MGRN1: variants seen among roughly 807,000 people sequenced by gnomAD.
MGRN1 encodes mahogunin ring finger 1.
In MGRN1, 29 loss-of-function variants were observed where a neutral mutation model predicts 69.2. The observed-to-expected ratio is 0.42, with a 90% CI of 0.31 to 0.57. MGRN1 has a LOEUF of 0.57. Among genes scored for constraint, MGRN1 ranks in the 20% least tolerant of loss-of-function variants. The probability of loss-of-function intolerance (pLI) is 0.15; values close to 1 mark genes in which losing one functional copy is unlikely to be tolerated. For missense variants in MGRN1, 998 were observed against 796.2 expected, an observed-to-expected ratio of 1.25 and a Z score of -3.05; for synonymous variants, 470 against 344.2, an observed-to-expected ratio of 1.37 and a Z score of -4.04.
chr16:4,681,484 A>C, intron 12 of MGRN1, 66 bp from the exon 13 acceptor site: 1 of 1,465,426 alleles, frequency 6.8e-7, no homozygotes, highest in Non-Finnish European at 9.4e-7. Flanking sequence ...GGAGGTCATC[A>C]GGAGGAGCGT....
chr16:4,671,598 A>T, intron 9 of MGRN1, 139 bp downstream of exon 9: 1 of 730,092 alleles, frequency 1.4e-6, no homozygotes, highest in Non-Finnish European at 2.3e-6. Context: ...TTTTTCCTTA[A>T]TTTTTTTTAA....
At chr16:4,677,401 G>GA in intron 10 of MGRN1, 62 bp from the exon 11 acceptor site, 1 of 1,358,990 alleles carries the variant, frequency 7.4e-7, no homozygotes, top group Non-Finnish European at 9.8e-7. Flanking sequence ...CTGGGGCTGG[G>GA]AGGGTCCCCT....
At chr16:4,646,377 C>T (rs533234835) in intron 1 of MGRN1, among the ~76,000 whole-genome samples, 3 of 151,812 alleles carry the variant, frequency 2.0e-5, no homozygotes, top group Non-Finnish European at 2.9e-5. Flanking sequence ...CTGCAGTGAT[C>T]GTGCCCCTGC....
In MGRN1 at chr16:4,681,639, G is replaced by A. The variant is rs1209405725; in HGVS notation, c.1221G>A (p.Ser407=). Residue 407 remains serine, a synonymous_variant, in exon 13 of 17, where the codon TCG becomes TCA. Transcript: ENST00000262370. ...GLRAVSPAIP[S]APLYEEITYS... ...GGGCTGTCTCCCCGGCCATCCCCTC[G>A]GCCCCTCTTTATGAAGAAATCACCT... 26 of 1,613,344 alleles carry A rather than the reference G, an allele frequency of 1.6e-5. No homozygotes were observed. The East Asian group carries it at 4.0e-4, about 25-fold the overall frequency.
At chr16:4,649,365 A>G (rs1157436879) in intron 1 of MGRN1, 2 of 152,216 alleles carry the variant, frequency 1.3e-5, no homozygotes, top group African/African-American at 2.4e-5. Context: ...TTCTCTCACC[A>G]TCACAGAGGC....
intron 1 of MGRN1, among the ~76,000 whole-genome samples, chr16:4,636,363 C>T (rs1386881495): frequency 6.6e-6 from 1 of 151,998 alleles, no homozygotes; most frequent in Admixed American, 6.6e-5. Context: ...AGATGGGATG[C>T]AATGGCCGGG....
rs779595976 is a variant in MGRN1 at position 4,624,985 on chromosome 16, A to C, written c.25A>C (p.Ile9Leu). 2.6e-6 allele frequency: 4 copies of C among 1,557,386 alleles called. No homozygotes were observed. The African/African-American group carries it at 5.7e-5, about 22-fold the overall frequency. Reference sequence around the variant, plus strand: ...CATGGGCTCCATTCTCAGCCGCCGCATCGCGGGGGTGGAGGACATCGACAT... The same window carrying C: ...CATGGGCTCCATTCTCAGCCGCCGCCTCGCGGGGGTGGAGGACATCGACAT... Reference protein sequence around the residue: MGSILSRRIAGVEDIDIQA... With the variant: MGSILSRRLAGVEDIDIQA... Residue 9 changes from isoleucine to leucine, a missense_variant, in exon 1 of 17, where the codon ATC (isoleucine) becomes CTC (leucine). Coordinates refer to ENST00000262370, the MANE Select transcript of MGRN1 (RefSeq NM_015246.4).
At chr16:4,685,494 T>A (rs1021777058) in intron 16 of MGRN1, among the ~76,000 whole-genome samples, 1 of 152,238 alleles carries the variant, frequency 6.6e-6, no homozygotes, top group African/African-American at 2.4e-5. Context: ...AGGCCGAGTC[T>A]ACATCGGGGC....
chr16:4,641,626 C>A (rs1439483589), intron 1 of MGRN1, among the ~76,000 whole-genome samples: 1 of 151,302 alleles, frequency 6.6e-6, no homozygotes, highest in Non-Finnish European at 1.5e-5. Flanking sequence ...TCAAGTGATT[C>A]TCCTGCCTTA....
At chr16:4,655,870 C>G (rs945214353) in intron 4 of MGRN1, among the ~76,000 whole-genome samples, 1 of 152,254 alleles carries the variant, frequency 6.6e-6, no homozygotes, top group African/African-American at 2.4e-5. Context: ...GTCCAGGCCT[C>G]CGCATCTCAC....
intron 10 of MGRN1, among the ~76,000 whole-genome samples, chr16:4,674,174 G>A (rs1045080339): frequency 2.6e-5 from 4 of 152,108 alleles, no homozygotes; most frequent in African/African-American, 9.7e-5. Context: ...ATTAGAGATG[G>A]GGTTTTGCCA....
At chr16:4,688,682 C>CG in intron 16 of MGRN1, 114 bp from the exon 17 acceptor site, 2 of 1,448,358 alleles carry the variant, frequency 1.4e-6, no homozygotes, top group South Asian at 2.9e-5. Flanking sequence ...CCACAGGCGG[C>CG]GGGAGTGGGG....
chr16:4,642,273 G>C (rs1004141305), intron 1 of MGRN1, among the ~76,000 whole-genome samples: 1 of 151,752 alleles, frequency 6.6e-6, no homozygotes, highest in Non-Finnish European at 1.5e-5. Context: ...GGGGATTACA[G>C]GCATGAGCTA....
At chr16:4,652,105 G>A in intron 3 of MGRN1, 54 bp downstream of exon 3, 2 of 1,562,176 alleles carry the variant, frequency 1.3e-6, no homozygotes, top group Non-Finnish European at 1.8e-6. Context: ...GCAGCCTGTG[G>A]TGGAGGTTCT....
chr16:4,676,050 A>C (rs2141959964), intron 10 of MGRN1, among the ~76,000 whole-genome samples: 1 of 152,346 alleles, frequency 6.6e-6, no homozygotes, highest in African/African-American at 2.4e-5. Flanking sequence ...ACATGCGCTT[A>C]GTAGGCCAGC....
At chr16:4,682,013 C>T (rs1567236818) in intron 13 of MGRN1, among the ~76,000 whole-genome samples, 1 of 152,144 alleles carries the variant, frequency 6.6e-6, no homozygotes, top group Non-Finnish European at 1.5e-5. Context: ...CGACCAGGGC[C>T]ACACCGGCGT....
At chr16:4,688,287 C>T (rs930056673) in intron 16 of MGRN1, 1 of 986,368 alleles carries the variant, frequency 1.0e-6, no homozygotes, top group Non-Finnish European at 1.2e-6. Context: ...AGGCCACAGT[C>T]TGGGCATTGG....
Position 4,631,708 on chromosome 16 carries a change from C to G in MGRN1, c.88+6660C>G, listed in dbSNP as rs140761677. Among the ~76,000 whole-genome samples, 765 of 152,244 alleles carry G rather than the reference C, an allele frequency of 5.0e-3. 3 individuals carry two copies. Among genetic ancestry groups the G allele is most frequent in the Non-Finnish European group, 8.7e-3 (595 of 68,022 alleles). ...CTCTTTCAAAATTGTTTTGGTTATG[C>G]TAAGTTCTTTGCATTTCCATATACA... is the stretch of plus-strand genomic sequence containing the variant. On this transcript the variant is annotated intron_variant, in intron 1 of 16. Coordinates refer to ENST00000262370, the MANE Select transcript of MGRN1 (RefSeq NM_015246.4).
intron 1 of MGRN1, among the ~76,000 whole-genome samples, chr16:4,647,229 G>T (rs1027013728): frequency 8.5e-5 from 13 of 152,354 alleles, no homozygotes; most frequent in Non-Finnish European, 1.8e-4. Context: ...GTGGCTCTGG[G>T]CCGGGCCCTG....
Sources: allele counts gnomAD v4.1 joint callset (sites outside exome capture counted in the v4.1 genomes callset), GRCh38; gene constraint gnomAD v4.1.1; transcripts MANE v1.5; gene names NCBI Gene and HGNC (gene_info 2026-07-23, HGNC 2026-07-21).